The following PGM5 variants were observed in gnomAD, a reference collection of about 807,000 sequenced individuals.
PGM5 encodes phosphoglucomutase-like protein 5.
A neutral mutation model predicts 59.2 loss-of-function variants in PGM5; 23 were observed. The observed-to-expected ratio is 0.39, with a 90% CI of 0.28 to 0.55. The LOEUF (loss-of-function observed/expected upper bound fraction) is 0.55. Ranked by LOEUF, PGM5 falls within the 20% of genes least tolerant of loss-of-function variation. The probability of loss-of-function intolerance (pLI) is 0.66; values close to 1 mark genes in which losing one functional copy is unlikely to be tolerated. For missense variants in PGM5, 574 were observed against 748.3 expected (o/e 0.77, Z 2.72); for synonymous variants, 214 against 286.0 (o/e 0.75, Z 2.54).
At chr9:68,377,434 G>C (rs541694071) in intron 1 of PGM5, among the ~76,000 whole-genome samples, 1 of 152,304 alleles carries the variant, frequency 6.6e-6, no homozygotes, top group East Asian at 1.9e-4. Context: ...AGCTTCGTAA[G>C]TGATTCTATT....
At chr9:68,447,148 G>T (rs1823624268) in intron 6 of PGM5, among the ~76,000 whole-genome samples, 1 of 152,148 alleles carries the variant, frequency 6.6e-6, no homozygotes, top group African/African-American at 2.4e-5. Context: ...AGGGGTTGCT[G>T]GTGCCAAGCC....
rs1554687344 is a variant in PGM5, at chr9:68,483,932, A to G, written c.1363A>G (p.Thr455Ala). The change falls in exon 9 of 11, where the codon ACA becomes GCA. Residue 455 changes from threonine (T) to alanine (A), a missense_variant. Physicochemically the swap from Thr to Ala is moderately conservative, Grantham distance 58. Transcript: ENST00000396396. Reference sequence around the variant, plus strand: ...CATGAGGGACCTGGAGGCCCTGGTCACAGACAAATCCTTCATTGGCCAGCA... The same window carrying G: ...CATGAGGGACCTGGAGGCCCTGGTCGCAGACAAATCCTTCATTGGCCAGCA... Reference protein sequence around the residue: ...YIMRDLEALVTDKSFIGQQFA... With the variant: ...YIMRDLEALVADKSFIGQQFA... 6.2e-7 allele frequency: 1 copy of G among 1,614,188 alleles called. No individual in the cohort carries two copies. Among genetic ancestry groups the G allele is most frequent in the African/African-American group, 1.3e-5 (1 of 75,050 alleles).
At chr9:68,498,929 C>A in intron 9 of PGM5, 2 of 332,412 alleles carry the variant, frequency 6.0e-6, no homozygotes, top group Non-Finnish European at 1.1e-5. Flanking sequence ...CTGTGACTTC[C>A]ACTTCTTTCT....
intron 1 of PGM5, among the ~76,000 whole-genome samples, chr9:68,375,720 A>T (rs1821861451): frequency 6.6e-6 from 1 of 152,264 alleles, no homozygotes; most frequent in Admixed American, 6.5e-5. Context: ...AAGGCAATAT[A>T]TGTGATCCAG....
chr9:68,499,101 T>C, intron 9 of PGM5, 126 bp from the exon 10 acceptor site: 2 of 999,460 alleles, frequency 2.0e-6, no homozygotes, highest in Non-Finnish European at 1.5e-6. Context: ...CCAGAGCCAA[T>C]ATAAATGGTC....
At chr9:68,528,787 C>T (rs1046173920) in intron 10 of PGM5, among the ~76,000 whole-genome samples, 17 of 152,128 alleles carry the variant, frequency 1.1e-4, no homozygotes, top group Admixed American at 2.6e-4. Context: ...GATTGAAGAA[C>T]GGAAAATAGA....
intron 6 of PGM5, among the ~76,000 whole-genome samples, chr9:68,434,557 A>G (rs1823414688): frequency 6.6e-6 from 1 of 151,964 alleles, no homozygotes. Flanking sequence ...TTCTAATCCC[A>G]ATACTTTGGG....
chr9:68,389,914 C>G (rs1292888448), intron 4 of PGM5, among the ~76,000 whole-genome samples: 1 of 152,080 alleles, frequency 6.6e-6, no homozygotes, highest in African/African-American at 2.4e-5. Context: ...TACTGTCAGT[C>G]TTTTCCATTT....
At chr9:68,417,427 G>C (rs1333139898) in intron 6 of PGM5, among the ~76,000 whole-genome samples, 1 of 151,988 alleles carries the variant, frequency 6.6e-6, no homozygotes, top group Non-Finnish European at 1.5e-5. Flanking sequence ...GGGCCCGGGG[G>C]ACGTGTGAAA....
chr9:68,499,026 A>C (rs570959601), intron 9 of PGM5: 4 of 573,040 alleles, frequency 7.0e-6, no homozygotes, highest in South Asian at 4.5e-5. Flanking sequence ...AAGCAACGGA[A>C]ATAGAATAAA....
At chr9:68,520,417 C>T in intron 10 of PGM5, among the ~76,000 whole-genome samples, 1 of 151,906 alleles carries the variant, frequency 6.6e-6, no homozygotes, top group Admixed American at 6.6e-5. Context: ...GCACCCCTCT[C>T]AGTAATTATT....
intron 6 of PGM5, chr9:68,399,345 T>A (rs1822605377): frequency 6.6e-6 from 1 of 152,050 alleles, no homozygotes; most frequent in South Asian, 2.1e-4. Flanking sequence ...GGGGTGTCTA[T>A]ACTTAATTTA....
chr9:68,413,767 C>T (rs1554681791), intron 6 of PGM5, among the ~76,000 whole-genome samples: 1 of 152,146 alleles, frequency 6.6e-6, no homozygotes, highest in Non-Finnish European at 1.5e-5. Context: ...CCCATGATGT[C>T]CTGATGCAGG....
Position 68,483,972 on chromosome 9 carries a change from G to T in PGM5, c.1403G>T (p.Ser468Ile), listed in dbSNP as rs1824243976. Residue 468 changes from serine to isoleucine, a missense_variant, in exon 9 of 11, where the codon AGC (serine) becomes ATC (isoleucine). Physicochemically the swap from Ser to Ile is moderately radical, Grantham distance 142. Coordinates refer to ENST00000396396, the MANE Select transcript of PGM5 (RefSeq NM_021965.4). Reference sequence around the variant, plus strand: ...ATTGGCCAGCAGTTTGCTGTGGGGAGCCATGTCTACAGCGTGGCGAAGACG... The same window carrying T: ...ATTGGCCAGCAGTTTGCTGTGGGGATCCATGTCTACAGCGTGGCGAAGACG... Reference protein sequence around the residue: ...SFIGQQFAVGSHVYSVAKTDS... With the variant: ...SFIGQQFAVGIHVYSVAKTDS... 6.2e-7 allele frequency: 1 copy of T among 1,614,008 alleles called. No individual in the cohort carries two copies. Among genetic ancestry groups the T allele is most frequent in the African/African-American group, 1.3e-5 (1 of 74,926 alleles).
At chr9:68,402,073 G>T (rs1300431330) in intron 6 of PGM5, among the ~76,000 whole-genome samples, 1 of 152,100 alleles carries the variant, frequency 6.6e-6, no homozygotes, top group African/African-American at 2.4e-5. Flanking sequence ...GACCAGCCTG[G>T]CTAACATGGC....
At chr9:68,463,684 C>G (rs1554685609) in intron 6 of PGM5, among the ~76,000 whole-genome samples, 1 of 152,156 alleles carries the variant, frequency 6.6e-6, no homozygotes, top group African/African-American at 2.4e-5. Flanking sequence ...ACAGTATATA[C>G]ACCTTTGTTA....
chr9:68,514,223 C>T (rs62548562), intron 10 of PGM5, among the ~76,000 whole-genome samples: 19 of 152,102 alleles, frequency 1.2e-4, no homozygotes, highest in Non-Finnish European at 2.5e-4. Flanking sequence ...GTGCCATCTA[C>T]TCAGGAGGCT....
intron 10 of PGM5, among the ~76,000 whole-genome samples, chr9:68,511,502 A>C (rs1057205106): frequency 2.0e-5 from 3 of 148,868 alleles, no homozygotes; most frequent in Admixed American, 6.7e-5. Flanking sequence ...ATGTGAATAA[A>C]TGTTCAATAA....
At chr9:68,367,303 C>G (rs1406640436) in intron 1 of PGM5, among the ~76,000 whole-genome samples, 1 of 151,922 alleles carries the variant, frequency 6.6e-6, no homozygotes. Context: ...AGCAAACCCT[C>G]TCCCCTTCAT....
Sources: gnomAD v4.1 joint callset for allele counts (sites outside exome capture counted in the v4.1 genomes callset) on GRCh38, gnomAD v4.1.1 for gene constraint, MANE v1.5 for transcripts, NCBI Gene and HGNC (gene_info 2026-07-23, HGNC 2026-07-21) for gene names.